The following TRIM5 variants were observed in gnomAD, a reference collection of about 807,000 sequenced individuals.
TRIM5 encodes tripartite motif containing 5.
TRIM5 carries 31 observed loss-of-function variants against 35.6 expected under a neutral mutation model. The ratio of observed to expected loss-of-function variants is 0.87; its 90% CI spans 0.65 to 1.18. TRIM5 has a LOEUF of 1.18. TRIM5 is among the 50% of genes most tolerant of loss of function. TRIM5 has a pLI of 0.00. For synonymous variants in TRIM5, 243 were observed against 215.6 expected (o/e 1.13, Z -1.11); for missense variants, 609 against 591.6 (o/e 1.03, Z -0.31).
rs139051320 is a variant in TRIM5, at chr11:5,668,594, C to T, written c.745-883G>A. On this transcript the variant is annotated intron_variant, in intron 4 of 7. Transcript: ENST00000380034. ...CCTCCCGAGTAGCTGGGATTACTGG[C>T]GCCCACCATAATGCCCGGCTATTTT... is the stretch of plus-strand genomic sequence containing the variant. Among the ~76,000 whole-genome samples the T allele has an allele frequency of 4.0e-3, 606 of 151,958 alleles. 5 individuals carry two copies. Among genetic ancestry groups the T allele is most frequent in the African/African-American group, 0.014 (590 of 41,448 alleles).
chr11:5,641,938 G>A, the TRIM5 span, among the ~76,000 whole-genome samples: 1 of 151,898 alleles, frequency 6.6e-6, no homozygotes, highest in East Asian at 1.9e-4. Flanking sequence ...CTTTGAACTC[G>A]GGCACAGGCT....
the TRIM5 span, chr11:5,596,993 T>C: frequency 2.5e-6 from 4 of 1,607,598 alleles, no homozygotes; most frequent in East Asian, 8.9e-5. Context: ...GATAAGGTCC[T>C]TTCCCTTTCG....
chr11:5,643,392 C>A, the TRIM5 span: 1 of 1,614,030 alleles, frequency 6.2e-7, no homozygotes, highest in Non-Finnish European at 8.5e-7. Flanking sequence ...ATGTGCAAAT[C>A]GTCAAAATCT....
the TRIM5 span, among the ~76,000 whole-genome samples, chr11:5,597,475 A>G: frequency 6.6e-6 from 1 of 152,236 alleles, no homozygotes; most frequent in Non-Finnish European, 1.5e-5. Flanking sequence ...CAATTCAAAT[A>G]TTTATTGAGT....
intron 1 of TRIM5, among the ~76,000 whole-genome samples, chr11:5,683,174 C>G (rs1398283282): frequency 6.6e-6 from 1 of 152,230 alleles, no homozygotes; most frequent in Non-Finnish European, 1.5e-5. Flanking sequence ...CCCACCATGC[C>G]TGAGCCTCCC....
chr11:5,655,728 C>T, the TRIM5 span: 13 of 981,550 alleles, frequency 1.3e-5, no homozygotes, highest in East Asian at 1.1e-4. Flanking sequence ...GATAGATAAC[C>T]GGGCACAAAA....
At chr11:5,670,918 A>T (rs1851539904) in intron 4 of TRIM5, among the ~76,000 whole-genome samples, 2 of 152,180 alleles carry the variant, frequency 1.3e-5, no homozygotes, top group Admixed American at 6.5e-5. Context: ...AGACTAGAGG[A>T]TGGGAATTCT....
chr11:5,618,824 A>T, the TRIM5 span, among the ~76,000 whole-genome samples: 33 of 152,232 alleles, frequency 2.2e-4, no homozygotes, highest in African/African-American at 8.0e-4. Context: ...TTGTACAATT[A>T]TAAGACATAA....
At chr11:5,665,437 CTTTA>C (rs1851057380) in intron 7 of TRIM5, 42 bp from the exon 8 acceptor site, 10 of 1,553,120 alleles carry the variant, frequency 6.4e-6, no homozygotes, top group Non-Finnish European at 8.7e-6. Context: ...TATAATGTAA[CTTTA>C]TTTGTGATAT....
the TRIM5 span, among the ~76,000 whole-genome samples, chr11:5,628,836 A>T: frequency 6.6e-6 from 1 of 152,036 alleles, no homozygotes; most frequent in Non-Finnish European, 1.5e-5. Context: ...TCTATGTGAA[A>T]ATCGGTTCTA....
At chr11:5,635,169 T>G in the TRIM5 span, among the ~76,000 whole-genome samples, 13 of 152,306 alleles carry the variant, frequency 8.5e-5, no homozygotes, top group Admixed American at 6.5e-5. Context: ...ACATGCATTT[T>G]CAGGTTTAAG....
the TRIM5 span, among the ~76,000 whole-genome samples, chr11:5,620,448 G>A: frequency 2.0e-5 from 3 of 151,862 alleles, no homozygotes; most frequent in African/African-American, 2.4e-5. Context: ...TGATCCGCCC[G>A]CCTCAGCCTC....
the TRIM5 span, among the ~76,000 whole-genome samples, chr11:5,627,708 T>C: frequency 6.6e-6 from 1 of 152,130 alleles, no homozygotes. Flanking sequence ...CACAGAGGAA[T>C]GGGGAGGAGA....
At chr11:5,608,232 G>A in the TRIM5 span, 1 of 1,311,208 alleles carries the variant, frequency 7.6e-7, no homozygotes. Context: ...TCTGCCCTGA[G>A]TTTTTTCTCT....
At position 5,680,083 on chromosome 11, in the gene TRIM5, T is replaced by C; in HGVS notation, c.95A>G (p.His32Arg). The stretch of plus-strand genomic sequence containing the variant: ...AGTGAGGCATGCTTGGCAGAAGCTG[T>C]GGCCGCAGTCCAGGCTCAGGGGTTG... Reference protein sequence around the residue: ...LTQPLSLDCGHSFCQACLTAN... With the variant: ...LTQPLSLDCGRSFCQACLTAN... The change falls in exon 2 of 8, where the codon CAC (histidine) becomes CGC (arginine). Residue 32 changes from histidine to arginine, a missense_variant. Transcript: ENST00000380034. 1.9e-6 allele frequency: 3 copies of C among 1,614,168 alleles called. No individual in the cohort carries two copies. The highest frequency in any genetic ancestry group is 2.5e-6 in the Non-Finnish European group (3 of 1,180,036).
intron 1 of TRIM5, chr11:5,684,219 C>T (rs1417576238): frequency 1.3e-5 from 2 of 154,712 alleles, no homozygotes; most frequent in Non-Finnish European, 2.9e-5. Context: ...GGTGGCACAA[C>T]TGGAGTTCCA....
At position 5,678,205 on chromosome 11, in the gene TRIM5, T is replaced by A. The variant is rs1466846912; in HGVS notation, c.743A>T (p.Gln248Leu). Reference protein sequence around the residue: ...RLQGSVMELLQGVDGVIKRTE... With the variant: ...RLQGSVMELLLGVDGVIKRTE... The stretch of plus-strand genomic sequence containing the variant: ...CTCAGGCTTCTTTCCACTTTTTACC[T>A]GAAGCAGCTCCATCACTGACCCCTG... Residue 248 changes from glutamine (Q) to leucine (L), a missense_variant and splice_region_variant, in exon 4 of 8, where the codon CAG (glutamine) becomes CTG (leucine). Gln to Leu is a moderately radical substitution (Grantham distance 113). Transcript: ENST00000380034. The A allele has an allele frequency of 7.5e-6, 12 of 1,601,328 alleles. No homozygotes were observed.
At chr11:5,593,112 C>T in the TRIM5 span, among the ~76,000 whole-genome samples, 1 of 152,054 alleles carries the variant, frequency 6.6e-6, no homozygotes, top group Admixed American at 6.6e-5. Context: ...GCCTCTGGAA[C>T]AAGAGGTGTT....
the TRIM5 span, among the ~76,000 whole-genome samples, chr11:5,617,742 A>T: frequency 6.7e-6 from 1 of 149,476 alleles, no homozygotes; most frequent in African/African-American, 2.5e-5. Context: ...CACCTGCCTC[A>T]GCCTCCCAAA....
Sources: allele counts gnomAD v4.1 joint callset (sites outside exome capture counted in the v4.1 genomes callset), GRCh38; gene constraint gnomAD v4.1.1; transcripts MANE v1.5; gene names NCBI Gene and HGNC (gene_info 2026-07-23, HGNC 2026-07-21).